Variants in MALRD1 observed in about 807,000 individuals in gnomAD.
MALRD1 encodes the protein MAM and LDL receptor class A domain containing 1, also known as MAM and LDL-receptor class A domain-containing protein 1.
MALRD1 carries 247 observed loss-of-function variants against 242.1 expected under a neutral mutation model. The observed-to-expected ratio is 1.02, with a 90% CI of 0.92 to 1.13. The LOEUF (loss-of-function observed/expected upper bound fraction) is 1.13, where lower values mean the gene tolerates loss of function less well. Ranked by LOEUF, MALRD1 falls within the 50% of genes most tolerant of loss-of-function variation. The pLI is 0.00. For missense variants in MALRD1, 2,989 were observed against 2,533.1 expected (o/e 1.18, Z -3.86); for synonymous variants, 995 against 866.6 (o/e 1.15, Z -2.60).
At chr10:19,263,746 A>G (rs1839856112) in intron 19 of MALRD1, among the ~76,000 whole-genome samples, 1 of 151,910 alleles carries the variant, frequency 6.6e-6, no homozygotes, top group African/African-American at 2.4e-5. Context: ...TTGACTTTAT[A>G]TGTGTGGGCT....
rs114244898 is a variant in MALRD1 at position 19,492,617 on chromosome 10, T to C, written c.5158+972T>C. Among the ~76,000 whole-genome samples the C allele has an allele frequency of 4.6e-3, 702 of 152,312 alleles. 6 individuals carry two copies. Among genetic ancestry groups the C allele is most frequent in the African/African-American group, 0.016 (666 of 41,578 alleles). ...ATGGTAGCCACAGGGTGGTAAGCCA[T>C]TGTACACAGGGCTGGCTTCTACTAG... On this transcript the variant is annotated intron_variant, in intron 30 of 39. Coordinates refer to ENST00000454679, the MANE Select transcript of MALRD1 (RefSeq NM_001142308.3).
chr10:19,350,510 C>A (rs767824041), intron 25 of MALRD1, among the ~76,000 whole-genome samples: 5 of 151,976 alleles, frequency 3.3e-5, no homozygotes, highest in African/African-American at 4.8e-5. Context: ...CTCCTGACCT[C>A]AGGTGATCCA....
At chr10:19,410,501 G>T (rs913383319) in intron 28 of MALRD1, among the ~76,000 whole-genome samples, 1 of 152,098 alleles carries the variant, frequency 6.6e-6, no homozygotes, top group Non-Finnish European at 1.5e-5. Flanking sequence ...TACAAGCCTA[G>T]GTCTTGACCT....
intron 19 of MALRD1, among the ~76,000 whole-genome samples, chr10:19,275,592 C>A (rs917657360): frequency 2.6e-5 from 4 of 152,056 alleles, no homozygotes; most frequent in African/African-American, 4.8e-5. Context: ...TGGTGTGAAC[C>A]CGGGAGGCGG....
At position 19,640,329 on chromosome 10, in the gene MALRD1, TCCACCCACCTCGGC is replaced by T. The variant is rs903073611; in HGVS notation, c.6137+24408_6137+24421del. On this transcript the variant is annotated intron_variant, in intron 36 of 39. Transcript: ENST00000454679. ...GTCTCAAACTCTTGACCTCAGGTGG[TCCACCCACCTCGGC>T]CTCCCAAAATGCTGTGATTACAGGC... Among the ~76,000 whole-genome samples, 445 of 152,176 alleles carry T rather than the reference TCCACCCACCTCGGC, an allele frequency of 2.9e-3. 6 individuals carry two copies. Among genetic ancestry groups the T allele is most frequent in the African/African-American group, 9.3e-3 (387 of 41,536 alleles).
At chr10:19,266,463 A>C (rs1839979706) in intron 19 of MALRD1, among the ~76,000 whole-genome samples, 1 of 151,908 alleles carries the variant, frequency 6.6e-6, no homozygotes, top group South Asian at 2.1e-4. Context: ...GCTGATAAAA[A>C]CTTAATTTTA....
chr10:19,070,835 ACTTT>A (rs1835122520), intron 2 of MALRD1, among the ~76,000 whole-genome samples: 1 of 119,422 alleles, frequency 8.4e-6, no homozygotes, highest in African/African-American at 3.2e-5. Flanking sequence ...CAAATGACAA[ACTTT>A]TTTTTTTTTT....
chr10:19,324,273 G>A (rs1176454468), intron 22 of MALRD1, among the ~76,000 whole-genome samples, 168 bp downstream of exon 22: 1 of 152,138 alleles, frequency 6.6e-6, no homozygotes, highest in Non-Finnish European at 1.5e-5. Flanking sequence ...AATTGGACAT[G>A]AATAGCTAAT....
intron 29 of MALRD1, among the ~76,000 whole-genome samples, chr10:19,467,459 A>C (rs1016215883): frequency 2.0e-5 from 3 of 150,764 alleles, no homozygotes; most frequent in Admixed American, 2.0e-4. Flanking sequence ...ACTAACATGG[A>C]TTATAGCTTA....
chr10:19,375,259 T>A (rs1845547268), intron 26 of MALRD1, among the ~76,000 whole-genome samples: 1 of 152,188 alleles, frequency 6.6e-6, no homozygotes, highest in Admixed American at 6.5e-5. Context: ...TTTCATTTTT[T>A]AAAATAATGT....
At chr10:19,530,270 T>C (rs1258592751) in intron 31 of MALRD1, among the ~76,000 whole-genome samples, 1 of 146,728 alleles carries the variant, frequency 6.8e-6, no homozygotes, top group Non-Finnish European at 1.5e-5. Flanking sequence ...AAAAATTGTG[T>C]ATTCATTTTT....
At chr10:19,622,465 T>C (rs1839448519) in intron 36 of MALRD1, among the ~76,000 whole-genome samples, 1 of 151,706 alleles carries the variant, frequency 6.6e-6, no homozygotes, top group African/African-American at 2.4e-5. Context: ...CTTAAACAAG[T>C]GGAAAAACAT....
chr10:19,385,462 G>A (rs1209894779), intron 26 of MALRD1, among the ~76,000 whole-genome samples: 1 of 151,882 alleles, frequency 6.6e-6, no homozygotes, highest in African/African-American at 2.4e-5. Context: ...TTATGATTCA[G>A]TCTTAGTAGG....
intron 36 of MALRD1, among the ~76,000 whole-genome samples, chr10:19,689,337 G>A (rs539802763): frequency 6.6e-6 from 1 of 152,238 alleles, no homozygotes; most frequent in East Asian, 1.9e-4. Context: ...ATTGCATATA[G>A]GCATGAAGGT....
chr10:19,400,484 C>T (rs1316760439), intron 28 of MALRD1, among the ~76,000 whole-genome samples: 1 of 152,136 alleles, frequency 6.6e-6, no homozygotes, highest in Admixed American at 6.6e-5. Flanking sequence ...CCTCATCTGC[C>T]TTGTTTACTG....
At chr10:19,484,902 T>G (rs1401369550) in intron 29 of MALRD1, among the ~76,000 whole-genome samples, 1 of 152,150 alleles carries the variant, frequency 6.6e-6, no homozygotes, top group Admixed American at 6.5e-5. Context: ...AATTCACAAT[T>G]GCAAAGATAT....
chr10:19,097,641 C>T (rs1353694979), intron 4 of MALRD1, among the ~76,000 whole-genome samples: 1 of 152,092 alleles, frequency 6.6e-6, no homozygotes, highest in Non-Finnish European at 1.5e-5. Context: ...TGAGTGAGGG[C>T]TAGGAAAATG....
intron 19 of MALRD1, among the ~76,000 whole-genome samples, chr10:19,265,127 G>A (rs1364081695): frequency 6.6e-6 from 1 of 151,704 alleles, no homozygotes; most frequent in Non-Finnish European, 1.5e-5. Flanking sequence ...TGGGTCTTCT[G>A]TTTTTCTTAT....
intron 32 of MALRD1, among the ~76,000 whole-genome samples, chr10:19,533,800 A>G (rs778727358): frequency 5.3e-5 from 8 of 152,196 alleles, no homozygotes; most frequent in Non-Finnish European, 1.0e-4. Flanking sequence ...TTACAATTCA[A>G]CATGAGATTT....
Sources: allele counts gnomAD v4.1 joint callset (sites outside exome capture counted in the v4.1 genomes callset), GRCh38; gene constraint gnomAD v4.1.1; transcripts MANE v1.5; gene names NCBI Gene and HGNC (gene_info 2026-07-23, HGNC 2026-07-21).